Variants in DLG5 observed in about 807,000 individuals in gnomAD.
DLG5 encodes disks large homolog 5.
Under a neutral mutation model 189.8 loss-of-function variants are expected in DLG5, and 48 were observed. The ratio of observed to expected loss-of-function variants is 0.25; its 90% CI spans 0.20 to 0.32. The LOEUF (loss-of-function observed/expected upper bound fraction) is 0.32, where lower values mean the gene tolerates loss of function less well. Among genes scored for constraint, DLG5 ranks in the 10% least tolerant of loss-of-function variants. The pLI, the probability that DLG5 is intolerant of heterozygous loss-of-function variation, is 1.00. For missense variants in DLG5, 2,160 were observed against 2,544.7 expected, an observed-to-expected ratio of 0.85 and a Z score of 3.25; for synonymous variants, 1,016 against 1,054.1, an observed-to-expected ratio of 0.96 and a Z score of 0.70.
chr10:77,900,996 T>C (rs1845908440), intron 1 of DLG5, among the ~76,000 whole-genome samples: 1 of 151,272 alleles, frequency 6.6e-6, no homozygotes, highest in Non-Finnish European at 1.5e-5. Context: ...ACGCCTATAG[T>C]CCCAGCTACT....
At chr10:77,900,456 TC>T (rs1346472570) in intron 1 of DLG5, among the ~76,000 whole-genome samples, 2 of 152,174 alleles carry the variant, frequency 1.3e-5, no homozygotes, top group Admixed American at 6.5e-5. Flanking sequence ...TCAAGTTATC[TC>T]CTTCAGGAGA....
intron 25 of DLG5, 64 bp downstream of exon 25, chr10:77,807,732 G>C: frequency 6.4e-7 from 1 of 1,557,084 alleles, no homozygotes; most frequent in Non-Finnish European, 8.7e-7. Flanking sequence ...ACCAGGAAAA[G>C]AGTCTCCAGT....
intron 8 of DLG5, among the ~76,000 whole-genome samples, chr10:77,835,481 T>G (rs1223648572): frequency 1.3e-5 from 2 of 152,184 alleles, no homozygotes; most frequent in Non-Finnish European, 2.9e-5. Flanking sequence ...CTCGTGCCCC[T>G]TCACAGCGGT....
chr10:77,843,785 C>T, intron 5 of DLG5, 79 bp from the exon 6 acceptor site: 1 of 1,584,052 alleles, frequency 6.3e-7, no homozygotes, highest in Non-Finnish European at 8.6e-7. Context: ...TTTTGTCTAT[C>T]TGAGGGTGAG....
intron 2 of DLG5, among the ~76,000 whole-genome samples, chr10:77,865,725 G>A (rs1225066506): frequency 2.0e-5 from 3 of 152,134 alleles, no homozygotes; most frequent in Non-Finnish European, 4.4e-5. Context: ...AACAACAGGC[G>A]CAGGAAGCGG....
the DLG5 span, among the ~76,000 whole-genome samples, chr10:77,938,000 G>A: frequency 6.6e-6 from 1 of 151,164 alleles, no homozygotes; most frequent in Admixed American, 6.6e-5. Context: ...TTACAGGCGT[G>A]AGCCACCGCG....
chr10:77,936,566 C>T, the DLG5 span, among the ~76,000 whole-genome samples: 2 of 151,696 alleles, frequency 1.3e-5, no homozygotes, highest in Non-Finnish European at 2.9e-5. Context: ...TTGAGAACCT[C>T]AGATTAATCC....
Position 77,877,392 on chromosome 10 carries a change from T to C in DLG5, c.305-8195A>G, listed in dbSNP as rs562631539. On this transcript the variant is annotated intron_variant, in intron 1 of 31. Coordinates refer to ENST00000372391, the MANE Select transcript of DLG5 (RefSeq NM_004747.4). ...CACATAAAGGAAAGATGGAAGTTTG[T>C]TGAATTTCGAGGGATGAAAAGAGTC... Among the ~76,000 whole-genome samples, 9 of 152,136 alleles carry C rather than the reference T, an allele frequency of 5.9e-5. No individual in the cohort carries two copies. In the South Asian group the frequency reaches 1.7e-3, roughly 28 times the overall value.
intron 2 of DLG5, among the ~76,000 whole-genome samples, chr10:77,861,592 C>T (rs1589228756): frequency 6.6e-6 from 1 of 152,158 alleles, no homozygotes; most frequent in East Asian, 1.9e-4. Context: ...AAAGTAGCAA[C>T]GACATGTGCC....
At chr10:77,817,171 A>G in intron 18 of DLG5, 75 bp from the exon 19 acceptor site, 1 of 1,328,166 alleles carries the variant, frequency 7.5e-7, no homozygotes, top group South Asian at 1.2e-5. Context: ...CCACCAGGCT[A>G]CCAGTCAGGA....
chr10:77,897,571 C>T (rs1361398741), intron 1 of DLG5, among the ~76,000 whole-genome samples: 1 of 151,512 alleles, frequency 6.6e-6, no homozygotes, highest in East Asian at 2.0e-4. Flanking sequence ...TGCCTGTAAG[C>T]CCAGCACTTT....
chr10:77,917,759 G>A (rs896222213), intron 1 of DLG5, among the ~76,000 whole-genome samples: 1 of 152,158 alleles, frequency 6.6e-6, no homozygotes, highest in Non-Finnish European at 1.5e-5. Flanking sequence ...GGGCGCAGTG[G>A]CTCACGCCTG....
chr10:77,922,271 G>A (rs1364572041), intron 1 of DLG5, among the ~76,000 whole-genome samples: 2 of 152,116 alleles, frequency 1.3e-5, no homozygotes, highest in Non-Finnish European at 2.9e-5. Context: ...TCACCCCAGG[G>A]GCAGGGAGTT....
At chr10:77,901,127 A>G (rs553423126) in intron 1 of DLG5, among the ~76,000 whole-genome samples, 2 of 151,974 alleles carry the variant, frequency 1.3e-5, no homozygotes, top group South Asian at 2.1e-4. Flanking sequence ...AAAAAAAAAA[A>G]AAAAGAAAAG....
intron 1 of DLG5, among the ~76,000 whole-genome samples, chr10:77,898,722 C>T (rs775780650): frequency 6.6e-6 from 1 of 152,256 alleles, no homozygotes; most frequent in Non-Finnish European, 1.5e-5. Context: ...GCCCCTGCCC[C>T]CTCCATGGCC....
chr10:77,832,285 A>C (rs541056714), intron 9 of DLG5, among the ~76,000 whole-genome samples: 94 of 152,376 alleles, frequency 6.2e-4, no homozygotes, highest in African/African-American at 2.0e-3. Flanking sequence ...AGAGACTCAG[A>C]AGCCTCGTTA....
chr10:77,809,761 G>A, intron 23 of DLG5, 31 bp from the exon 24 acceptor site: 1 of 1,594,294 alleles, frequency 6.3e-7, no homozygotes. Context: ...TTCCTCAACT[G>A]TGCACAAAGA....
At chr10:77,819,665 C>T in intron 16 of DLG5, 200 bp from the exon 17 acceptor site, 1 of 1,020,770 alleles carries the variant, frequency 9.8e-7, no homozygotes, top group African/African-American at 1.6e-5. Flanking sequence ...AAGTCTCTTT[C>T]ATGCTTCCTA....
chr10:77,796,651 G>A lies in DLG5; in HGVS notation c.5165-57C>T. 6.2e-7 allele frequency: 1 copy of A among 1,604,686 alleles called. No individual in the cohort carries two copies. Among genetic ancestry groups the A allele is most frequent in the East Asian group, 2.2e-5 (1 of 44,620 alleles). ...CCAGCTTGGAGTGGAGGACCTGAGT[G>A]GGGCTGGGGAACCCCGCTCCCTGAC... On this transcript the variant is annotated intron_variant, in intron 27 of 31. Coordinates refer to ENST00000372391, the MANE Select transcript of DLG5 (RefSeq NM_004747.4). The surrounding 1 kb of genome is among the most constrained non-coding windows in gnomAD (Gnocchi z 5.2).
Sources: allele counts gnomAD v4.1 joint callset (sites outside exome capture counted in the v4.1 genomes callset), GRCh38; gene constraint gnomAD v4.1.1; non-coding constraint Gnocchi (gnomAD v3.1); transcripts MANE v1.5; gene names NCBI Gene and HGNC (gene_info 2026-07-23, HGNC 2026-07-21).